The following KYAT3 variants were observed in gnomAD, a reference collection of about 807,000 sequenced individuals.
KYAT3 encodes kynurenine--oxoglutarate transaminase 3.
In KYAT3, 50 loss-of-function variants were observed where a neutral mutation model predicts 59.0. The ratio of observed to expected loss-of-function variants is 0.85; its 90% CI spans 0.68 to 1.07. The LOEUF is 1.07. KYAT3 is among the 50% of genes least tolerant of loss of function. KYAT3 has a pLI of 0.00. For synonymous variants in KYAT3, 148 were observed against 177.0 expected (o/e 0.84, Z 1.30); for missense variants, 497 against 533.3 (o/e 0.93, Z 0.67).
At chr1:88,982,183 C>T in intron 2 of KYAT3, 1 of 873,358 alleles carries the variant, frequency 1.1e-6, no homozygotes, top group Non-Finnish European at 1.4e-6. Context: ...ATACTGAGAA[C>T]AGTGAGATTT....
chr1:88,966,770 C>T (rs1281813340), intron 4 of KYAT3, among the ~76,000 whole-genome samples: 1 of 152,092 alleles, frequency 6.6e-6, no homozygotes, highest in Non-Finnish European at 1.5e-5. Context: ...GACATCTTTG[C>T]TGTCTTTTCA....
At chr1:88,978,160 C>T (rs778689603) in intron 2 of KYAT3, among the ~76,000 whole-genome samples, 16 of 152,084 alleles carry the variant, frequency 1.1e-4, no homozygotes, top group Non-Finnish European at 1.9e-4. Flanking sequence ...ACAGTGATGA[C>T]ATTTAGTATT....
intron 2 of KYAT3, among the ~76,000 whole-genome samples, chr1:88,986,192 A>AAGAG (rs372559399): frequency 4.0e-5 from 6 of 150,106 alleles, no homozygotes; most frequent in African/African-American, 1.2e-4. Flanking sequence ...AAAAAAAAAA[A>AAGAG]AGAGAGAGAG....
intron 10 of KYAT3, among the ~76,000 whole-genome samples, chr1:88,950,863 C>G (rs1402655707): frequency 6.6e-6 from 1 of 152,246 alleles, no homozygotes; most frequent in East Asian, 1.9e-4. Context: ...TCCTATCTCA[C>G]TCAGTCCTTA....
At chr1:88,957,445 T>C (rs17130665) in intron 8 of KYAT3, among the ~76,000 whole-genome samples, 4,941 of 152,312 alleles carry the variant, frequency 0.032, 239 homozygotes, top group African/African-American at 0.11. Context: ...AAAGGACTAC[T>C]GTTGCACTTT....
At chr1:88,930,855 AGAAAG>A, downstream of KYAT3, among the ~76,000 whole-genome samples, 1 of 152,194 alleles carries the variant, frequency 6.6e-6, no homozygotes, top group Non-Finnish European at 1.5e-5. Flanking sequence ...CAAGGTCATC[AGAAAG>A]GAAAGGAAAG....
chr1:88,936,054 T>G lies in KYAT3; in HGVS notation c.*129A>C. On this transcript the variant is annotated 3_prime_UTR_variant, in exon 14 of 14. Transcript: ENST00000260508. Reference sequence around the variant, plus strand: ...TTGTTAGGAGTTGGGTTAACTGCTTTGGAAAAACAATGGAAATATTTAAAT... The same window carrying G: ...TTGTTAGGAGTTGGGTTAACTGCTTGGGAAAAACAATGGAAATATTTAAAT... 1.5e-6 allele frequency: 1 copy of G among 660,264 alleles called. No homozygotes were observed. The highest frequency in any genetic ancestry group is 2.8e-5 in the East Asian group (1 of 36,358). The allele number at this position is 660,264 out of a possible 1,614,324, so 40.9% of individuals were successfully genotyped here.
At chr1:88,940,770 G>A (rs1021093856) in intron 13 of KYAT3, among the ~76,000 whole-genome samples, 3 of 152,192 alleles carry the variant, frequency 2.0e-5, no homozygotes, top group Admixed American at 6.5e-5. Flanking sequence ...GCCTTACATA[G>A]TTTCCAGATG....
intron 2 of KYAT3, among the ~76,000 whole-genome samples, chr1:88,984,230 T>TTG (rs1389801640): frequency 2.4e-4 from 31 of 128,242 alleles, no homozygotes; most frequent in African/African-American, 1.2e-3. Flanking sequence ...TTTTTTTTTT[T>TTG]GTAGACAGGA....
At chr1:88,984,121 G>C (rs1677291399) in intron 2 of KYAT3, 1 of 442,168 alleles carries the variant, frequency 2.3e-6, no homozygotes, top group Non-Finnish European at 4.2e-6. Flanking sequence ...GTAAAGCAGG[G>C]AAAGATGCTT....
At chr1:88,986,780 C>T (rs886117544) in intron 2 of KYAT3, among the ~76,000 whole-genome samples, 33 of 152,238 alleles carry the variant, frequency 2.2e-4, no homozygotes, top group African/African-American at 7.5e-4. Context: ...AGTAACTTAT[C>T]TGGCTGGTTC....
intron 6 of KYAT3, among the ~76,000 whole-genome samples, chr1:88,961,770 G>A (rs1325922): frequency 0.42 from 63,999 of 151,998 alleles, 14,293 homozygotes; most frequent in Non-Finnish European, 0.49. Context: ...CTGTTAAATG[G>A]AAAAATAAGC....
intron 4 of KYAT3, among the ~76,000 whole-genome samples, chr1:88,965,774 TC>T (rs1404122517): frequency 6.6e-6 from 1 of 152,178 alleles, no homozygotes; most frequent in African/African-American, 2.4e-5. Flanking sequence ...TGAAGTACCA[TC>T]CTGATTTTCT....
downstream of KYAT3, among the ~76,000 whole-genome samples, chr1:88,932,471 A>G (rs1173889622): frequency 6.6e-6 from 1 of 152,130 alleles, no homozygotes; most frequent in Non-Finnish European, 1.5e-5. Context: ...TGGAGTAATT[A>G]TATACAATGC....
At chr1:88,930,079 C>T in the KYAT3 span, among the ~76,000 whole-genome samples, 1 of 152,188 alleles carries the variant, frequency 6.6e-6, no homozygotes, top group Non-Finnish European at 1.5e-5. Flanking sequence ...CTCTAGGAGT[C>T]CTTACACAGG....
chr1:88,935,956 T>C lies in KYAT3; in HGVS notation c.*227A>G. ...TTCTTATCCACTATGTTATGCTGAC[T>C]CTTATAAAATGATTGTGGAAGGTGT... On this transcript the variant is annotated 3_prime_UTR_variant, in exon 14 of 14. Coordinates refer to ENST00000260508, the MANE Select transcript of KYAT3 (RefSeq NM_001008661.3). 2.1e-6 allele frequency: 1 copy of C among 465,780 alleles called. No homozygotes were observed. The highest frequency in any genetic ancestry group is 3.9e-6 in the Non-Finnish European group (1 of 259,708). The allele number at this position is 465,780 out of a possible 1,614,324, so 28.9% of individuals were successfully genotyped here.
chr1:88,978,869 G>A (rs1254777463), intron 2 of KYAT3, among the ~76,000 whole-genome samples: 1 of 151,022 alleles, frequency 6.6e-6, no homozygotes, highest in African/African-American at 2.4e-5. Context: ...TGCCCATGCT[G>A]GACTCGAACT....
intron 9 of KYAT3, 21 bp downstream of exon 9, chr1:88,955,128 T>C: frequency 6.6e-7 from 1 of 1,513,216 alleles, no homozygotes; most frequent in Non-Finnish European, 9.2e-7. Flanking sequence ...TTTTAAGCAA[T>C]TAAATTCTTA....
At chr1:88,944,317 C>T (rs1220053371) in intron 11 of KYAT3, among the ~76,000 whole-genome samples, 1 of 152,192 alleles carries the variant, frequency 6.6e-6, no homozygotes, top group East Asian at 1.9e-4. Flanking sequence ...ACTAGTGGTT[C>T]TTTTCAAATT....
Sources: allele counts gnomAD v4.1 joint callset (sites outside exome capture counted in the v4.1 genomes callset), GRCh38; gene constraint gnomAD v4.1.1; transcripts MANE v1.5; gene names NCBI Gene and HGNC (gene_info 2026-07-23, HGNC 2026-07-21).